GPC6: variants seen among roughly 807,000 people sequenced by gnomAD.
GPC6 encodes the protein glypican-6.
In GPC6, 14 loss-of-function variants were observed where a neutral mutation model predicts 55.2. The observed-to-expected ratio is 0.25, with a 90% CI of 0.17 to 0.40. GPC6 has a LOEUF of 0.40. Among genes scored for constraint, GPC6 ranks in the 10% least tolerant of loss-of-function variants. GPC6 has a pLI of 1.00. For synonymous variants in GPC6, 278 were observed against 259.6 expected, an observed-to-expected ratio of 1.07 and a Z score of -0.68; for missense variants, 641 against 708.5, an observed-to-expected ratio of 0.90 and a Z score of 1.08.
At chr13:94,264,085 A>C (rs1891724795) in intron 4 of GPC6, among the ~76,000 whole-genome samples, 1 of 152,162 alleles carries the variant, frequency 6.6e-6, no homozygotes, top group Admixed American at 6.5e-5. Context: ...AGAGACCTAA[A>C]GTTTAGTCAT....
At chr13:93,894,610 C>A (rs1875884368) in intron 3 of GPC6, among the ~76,000 whole-genome samples, 1 of 152,060 alleles carries the variant, frequency 6.6e-6, no homozygotes, top group South Asian at 2.1e-4. Context: ...TTAATATTTA[C>A]TCATAGCTCC....
At chr13:93,548,469 G>A (rs931619939) in intron 2 of GPC6, among the ~76,000 whole-genome samples, 1 of 152,120 alleles carries the variant, frequency 6.6e-6, no homozygotes, top group Non-Finnish European at 1.5e-5. Context: ...TTTTCTTACT[G>A]TATGAGAAAT....
intron 1 of GPC6, among the ~76,000 whole-genome samples, chr13:93,386,206 G>T (rs568113307): frequency 6.6e-6 from 1 of 151,888 alleles, no homozygotes; most frequent in Non-Finnish European, 1.5e-5. Flanking sequence ...AACTGTAGAC[G>T]CTATTAAGAG....
chr13:93,246,789 CAAAAAAAAA>C (rs767827311), intron 1 of GPC6, among the ~76,000 whole-genome samples: 36 of 40,844 alleles, frequency 8.8e-4, no homozygotes, highest in East Asian at 3.8e-3. Flanking sequence ...AAGACTGTCT[CAAAAAAAAA>C]AAAAAAAAAA....
intron 1 of GPC6, among the ~76,000 whole-genome samples, chr13:93,307,258 G>A (rs894462004): frequency 6.6e-6 from 1 of 152,044 alleles, no homozygotes; most frequent in African/African-American, 2.4e-5. Flanking sequence ...AGCCATATGT[G>A]TGCCTAATCA....
chr13:93,469,765 G>T (rs1016880625), intron 1 of GPC6, among the ~76,000 whole-genome samples: 3 of 152,024 alleles, frequency 2.0e-5, no homozygotes, highest in African/African-American at 4.8e-5. Flanking sequence ...TAAAACTTTT[G>T]TAGAAAGTAT....
chr13:93,412,038 C>G (rs1320254589), intron 1 of GPC6, among the ~76,000 whole-genome samples: 6 of 151,564 alleles, frequency 4.0e-5, no homozygotes, highest in Non-Finnish European at 2.9e-5. Context: ...AATAAATAGC[C>G]ATTATATTCT....
chr13:93,743,863 G>A (rs999523849), intron 2 of GPC6, among the ~76,000 whole-genome samples: 1 of 152,114 alleles, frequency 6.6e-6, no homozygotes, highest in Non-Finnish European at 1.5e-5. Flanking sequence ...CTTCAATCCT[G>A]ATCAAACTGA....
intron 1 of GPC6, among the ~76,000 whole-genome samples, chr13:93,456,800 G>T (rs1878469925): frequency 6.6e-6 from 1 of 152,046 alleles, no homozygotes; most frequent in East Asian, 1.9e-4. Context: ...GCAATTTCTG[G>T]TGTTCACTGG....
At chr13:93,741,802 C>T (rs926267558) in intron 2 of GPC6, among the ~76,000 whole-genome samples, 5 of 152,158 alleles carry the variant, frequency 3.3e-5, no homozygotes, top group African/African-American at 9.7e-5. Flanking sequence ...GTTGAACTTT[C>T]CATTAGTCTT....
chr13:93,434,762 A>G (rs545964319), intron 1 of GPC6, among the ~76,000 whole-genome samples: 3 of 152,318 alleles, frequency 2.0e-5, no homozygotes, highest in Admixed American at 6.5e-5. Flanking sequence ...GCTGGAGTGC[A>G]GTGGCATGAT....
intron 4 of GPC6, among the ~76,000 whole-genome samples, chr13:94,161,485 T>C (rs1389063975): frequency 2.6e-5 from 4 of 152,238 alleles, no homozygotes; most frequent in African/African-American, 9.6e-5. Flanking sequence ...CTTATTAGCA[T>C]GTTGACATAT....
intron 3 of GPC6, among the ~76,000 whole-genome samples, chr13:93,992,177 G>GTA (rs143395246): frequency 0.15 from 21,184 of 146,020 alleles, 1,490 homozygotes; most frequent in East Asian, 0.26. Context: ...AGATATGTGT[G>GTA]TATATATATA....
At chr13:93,485,934 C>G (rs1879695353) in intron 1 of GPC6, among the ~76,000 whole-genome samples, 1 of 152,102 alleles carries the variant, frequency 6.6e-6, no homozygotes. Flanking sequence ...TATCTGTTAT[C>G]TTTCTTGGAT....
chr13:93,876,672 A>C (rs1391806251), intron 3 of GPC6, among the ~76,000 whole-genome samples: 1 of 152,080 alleles, frequency 6.6e-6, no homozygotes, highest in Non-Finnish European at 1.5e-5. Context: ...CTTTAGTCCA[A>C]CCCATTTATT....
At chr13:93,837,764 TAGG>T (rs1887794957) in intron 3 of GPC6, among the ~76,000 whole-genome samples, 2 of 152,120 alleles carry the variant, frequency 1.3e-5, no homozygotes, top group Non-Finnish European at 2.9e-5. Flanking sequence ...CTTAATTTGG[TAGG>T]AGGAGTCACA....
intron 4 of GPC6, among the ~76,000 whole-genome samples, chr13:94,095,841 G>A (rs1374904731): frequency 1.3e-5 from 2 of 152,114 alleles, no homozygotes; most frequent in African/African-American, 4.8e-5. Context: ...AAATAGAAAA[G>A]GGGATCAGGG....
intron 1 of GPC6, among the ~76,000 whole-genome samples, chr13:93,355,875 C>A (rs1041244721): frequency 6.6e-6 from 1 of 151,874 alleles, no homozygotes; most frequent in African/African-American, 2.4e-5. Context: ...AAAGACATGG[C>A]AGGATGTGAG....
intron 3 of GPC6, among the ~76,000 whole-genome samples, chr13:93,985,369 A>G (rs925359642): frequency 6.0e-5 from 9 of 151,256 alleles, no homozygotes; most frequent in Non-Finnish European, 1.2e-4. Flanking sequence ...CCCAGGAGGT[A>G]GAGGTTGCAG....
Sources: allele counts gnomAD v4.1 joint callset (sites outside exome capture counted in the v4.1 genomes callset), GRCh38; gene constraint gnomAD v4.1.1; transcripts MANE v1.5; gene names NCBI Gene and HGNC (gene_info 2026-07-23, HGNC 2026-07-21).